DSCAM: variants seen among roughly 807,000 people sequenced by gnomAD.
DSCAM encodes cell adhesion molecule DSCAM.
In DSCAM, 47 loss-of-function variants were observed where a neutral mutation model predicts 217.7. The ratio of observed to expected loss-of-function variants is 0.22; its 90% confidence interval spans 0.17 to 0.28. DSCAM has a LOEUF of 0.28. Ranked by LOEUF, DSCAM falls within the 10% of genes least tolerant of loss-of-function variation. The pLI is 1.00. For missense variants in DSCAM, 2,080 were observed against 2,618.3 expected, an observed-to-expected ratio of 0.79 and a Z score of 4.49; for synonymous variants, 1,056 against 1,015.3, an observed-to-expected ratio of 1.04 and a Z score of -0.76.
At chr21:40,606,790 C>T (rs1382366421) in intron 3 of DSCAM, among the ~76,000 whole-genome samples, 3 of 152,208 alleles carry the variant, frequency 2.0e-5, no homozygotes, top group Non-Finnish European at 4.4e-5. Context: ...CAAAACTTAT[C>T]TTGAATTCCC....
chr21:40,181,790 T>C (rs191033977), intron 14 of DSCAM, among the ~76,000 whole-genome samples: 5 of 152,100 alleles, frequency 3.3e-5, no homozygotes, highest in East Asian at 1.9e-4. Context: ...TGGCCAAGAA[T>C]GACTGTACCA....
At chr21:40,041,357 G>T (rs2088745506) in intron 32 of DSCAM, among the ~76,000 whole-genome samples, 1 of 152,192 alleles carries the variant, frequency 6.6e-6, no homozygotes, top group Non-Finnish European at 1.5e-5. Context: ...GCTGCCATAG[G>T]TTGGATTCCA....
At chr21:40,134,144 A>C (rs2146691570) in intron 18 of DSCAM, 135 bp from the exon 19 acceptor site, 6 of 1,125,102 alleles carry the variant, frequency 5.3e-6, no homozygotes, top group Non-Finnish European at 7.4e-6. Context: ...AGAATTCTCA[A>C]AGGGACTGTG....
chr21:40,013,293 G>A lies in DSCAM; in HGVS notation c.5780C>T (p.Ala1927Val), dbSNP rs1436235793. The part of the protein sequence containing the change: ...GTSRDLSLGQ[A>V]CLEPQKSRTL... ...CCGGCTTTTCTGAGGTTCCAAGCAT[G>A]CTTGTCCTAAGCTCAGGTCCCTGCT... The change falls in exon 33 of 33, where the codon GCA becomes GTA. Residue 1927 changes from alanine to valine, a missense_variant. Coordinates refer to ENST00000400454, the MANE Select transcript of DSCAM (RefSeq NM_001389.5). 6.2e-7 allele frequency: 1 copy of A among 1,613,042 alleles called. No individual in the cohort carries two copies. Among genetic ancestry groups the A allele is most frequent in the Non-Finnish European group, 8.5e-7 (1 of 1,179,634 alleles).
chr21:40,197,784 A>C (rs1380384133), intron 11 of DSCAM, among the ~76,000 whole-genome samples: 1 of 152,178 alleles, frequency 6.6e-6, no homozygotes, highest in Non-Finnish European at 1.5e-5. Flanking sequence ...CTCAGTGGAG[A>C]AGGGATTCTT....
intron 21 of DSCAM, among the ~76,000 whole-genome samples, chr21:40,090,320 C>A (rs1350024626): frequency 2.0e-5 from 3 of 152,122 alleles, no homozygotes; most frequent in South Asian, 2.1e-4. Flanking sequence ...CCCCTCCCAG[C>A]TTCTTCTCTT....
chr21:40,090,258 C>T (rs1388325266), intron 21 of DSCAM, among the ~76,000 whole-genome samples: 1 of 152,136 alleles, frequency 6.6e-6, no homozygotes, highest in Non-Finnish European at 1.5e-5. Context: ...TGATGGCAGG[C>T]CTCATGAAAA....
intron 32 of DSCAM, among the ~76,000 whole-genome samples, chr21:40,041,960 C>G (rs2088759206): frequency 6.6e-6 from 1 of 152,138 alleles, no homozygotes; most frequent in Admixed American, 6.5e-5. Context: ...GTGTCAGTTT[C>G]CAGGCCCAAC....
chr21:40,535,530 T>C (rs1213650704), intron 3 of DSCAM, among the ~76,000 whole-genome samples: 1 of 152,230 alleles, frequency 6.6e-6, no homozygotes, highest in Non-Finnish European at 1.5e-5. Flanking sequence ...TCATTCCTAC[T>C]GTAGAGACTC....
chr21:40,460,479 AAACTT>A (rs1395272420), intron 3 of DSCAM, among the ~76,000 whole-genome samples: 2 of 152,196 alleles, frequency 1.3e-5, no homozygotes, highest in South Asian at 2.1e-4. Context: ...AACAACTTAG[AAACTT>A]AACCACATAA....
chr21:40,226,407 T>TCA (rs1313305138), intron 11 of DSCAM, among the ~76,000 whole-genome samples: 1 of 152,210 alleles, frequency 6.6e-6, no homozygotes, highest in Non-Finnish European at 1.5e-5. Flanking sequence ...ATAGCTCAGT[T>TCA]CACTTCCTTG....
intron 3 of DSCAM, among the ~76,000 whole-genome samples, chr21:40,464,803 C>T (rs1381800605): frequency 2.7e-5 from 4 of 149,842 alleles, no homozygotes; most frequent in African/African-American, 4.9e-5. Context: ...CACGGTGGTG[C>T]AATCTCAGCT....
intron 11 of DSCAM, among the ~76,000 whole-genome samples, chr21:40,201,074 T>G (rs1568996774): frequency 6.6e-6 from 1 of 152,216 alleles, no homozygotes; most frequent in African/African-American, 2.4e-5. Flanking sequence ...ACTTAGATTA[T>G]AACCGTTAAT....
At chr21:40,321,348 C>T (rs2074256805) in intron 8 of DSCAM, among the ~76,000 whole-genome samples, 2 of 152,198 alleles carry the variant, frequency 1.3e-5, no homozygotes, top group Non-Finnish European at 1.5e-5. Context: ...AAATCCCAAA[C>T]CAAACATAGC....
chr21:40,749,529 C>T (rs1327671009), intron 1 of DSCAM, among the ~76,000 whole-genome samples: 1 of 152,046 alleles, frequency 6.6e-6, no homozygotes, highest in East Asian at 1.9e-4. Context: ...TGAGATATCC[C>T]TTCACCTTAG....
intron 3 of DSCAM, among the ~76,000 whole-genome samples, chr21:40,555,266 C>G (rs1336584838): frequency 6.6e-6 from 1 of 152,130 alleles, no homozygotes; most frequent in Admixed American, 6.5e-5. Context: ...AAGAAAAAAG[C>G]ACACGTGATC....
In DSCAM at chr21:40,677,529, C is replaced by T. The variant is rs529807293; in HGVS notation, c.508+15281G>A. 3.9e-5 allele frequency among the ~76,000 whole-genome samples: 6 copies of T among 152,270 alleles called. No homozygotes were observed. In the East Asian group the frequency reaches 1.2e-3, roughly 29 times the overall value. On this transcript the variant is annotated intron_variant, in intron 3 of 32. Transcript: ENST00000400454. ...TGCCCCATAGCTTTTATTACTTACT[C>T]AACATGTCCATGATCCCCCCAAAAA...
Position 40,226,715 on chromosome 21 carries a change from T to C in DSCAM, c.2357-37477A>G, listed in dbSNP as rs184627153. Among the ~76,000 whole-genome samples the C allele has an allele frequency of 1.4e-4, 22 of 152,348 alleles. No individual in the cohort carries two copies. The East Asian group carries it at 4.2e-3, about 29-fold the overall frequency. On this transcript the variant is annotated intron_variant, in intron 11 of 32. Coordinates refer to ENST00000400454, the MANE Select transcript of DSCAM (RefSeq NM_001389.5). Reference sequence around the variant, plus strand: ...AATCCAAAAGTTAATTTGCCATTTATGTTGTTTATACTTCAGCAATTATTT... The same window carrying C: ...AATCCAAAAGTTAATTTGCCATTTACGTTGTTTATACTTCAGCAATTATTT...
intron 3 of DSCAM, among the ~76,000 whole-genome samples, chr21:40,524,707 T>C (rs1458634417): frequency 1.3e-5 from 2 of 152,004 alleles, no homozygotes; most frequent in Non-Finnish European, 2.9e-5. Flanking sequence ...TTTTGGGAAA[T>C]GCAGTATTAA....
Sources: gnomAD v4.1 joint callset for allele counts (sites outside exome capture counted in the v4.1 genomes callset) on GRCh38, gnomAD v4.1.1 for gene constraint, MANE v1.5 for transcripts, NCBI Gene and HGNC (gene_info 2026-07-23, HGNC 2026-07-21) for gene names.